Variants in TMPO observed in about 807,000 individuals in gnomAD.
TMPO encodes LEM domain containing 4.
Under a neutral mutation model 45.4 loss-of-function variants are expected in TMPO, and 22 were observed. The ratio of observed to expected loss-of-function variants is 0.48; its 90% CI spans 0.35 to 0.69. The LOEUF is 0.69. Among genes scored for constraint, TMPO ranks in the 30% least tolerant of loss-of-function variants. The pLI, the probability that TMPO is intolerant of heterozygous loss-of-function variation, is 0.01. For synonymous variants in TMPO, 241 were observed against 204.1 expected, an observed-to-expected ratio of 1.18 and a Z score of -1.54; for missense variants, 512 against 548.8, an observed-to-expected ratio of 0.93 and a Z score of 0.67.
intron 4 of TMPO, 114 bp from the exon 5 acceptor site, chr12:98,544,116 T>C: frequency 8.5e-7 from 1 of 1,175,398 alleles, no homozygotes. Flanking sequence ...GCCTTGTTTG[T>C]AAATGCTGGC....
In TMPO at chr12:98,544,452, C is replaced by A. The variant is rs1287582890; in HGVS notation, c.794C>A (p.Ser265Ter). 1 of 1,613,792 alleles carries A rather than the reference C, an allele frequency of 6.2e-7. No homozygotes were observed. Among genetic ancestry groups the A allele is most frequent in the East Asian group, 2.2e-5 (1 of 44,832 alleles). ...TTTTCAAACTAACAGGTGGAAACTT[C>A]AGAACATTTTCGTATAGATGGTCCA... ...RRTPRKRVET[S>*]EHFRIDGPVI... The change falls in exon 6 of 9, where the codon TCA (serine) becomes TAA (stop). Residue 265 changes from serine to a stop codon, truncating the protein, a stop_gained. Coordinates refer to ENST00000556029, the MANE Select transcript of TMPO (RefSeq NM_001032283.3). LOFTEE classifies it high-confidence loss of function.
At chr12:98,525,683 G>A (rs545351241) in intron 1 of TMPO, among the ~76,000 whole-genome samples, 39 of 150,332 alleles carry the variant, frequency 2.6e-4, no homozygotes, top group African/African-American at 9.5e-4. Flanking sequence ...AGAGGTTGCA[G>A]TGAGCCAAGA....
At chr12:98,526,827 G>A (rs573846358) in intron 1 of TMPO, among the ~76,000 whole-genome samples, 19 of 152,106 alleles carry the variant, frequency 1.2e-4, no homozygotes, top group Admixed American at 6.6e-4. Flanking sequence ...GCGTGGTGGC[G>A]CACACCTGTA....
At chr12:98,524,551 C>T (rs537694220) in intron 1 of TMPO, among the ~76,000 whole-genome samples, 3 of 149,310 alleles carry the variant, frequency 2.0e-5, no homozygotes, top group South Asian at 2.1e-4. Context: ...CCAGCCTGGG[C>T]GAGAGAGTTA....
rs1878329937 is a variant in TMPO, at chr12:98,548,008, TA to T, written c.*151del. ...TTCATTGAAAAGCAAACAAAATATA[TA>T]TAAATGGACTTCATTAAAATGTTTT... On this transcript the variant is annotated 3_prime_UTR_variant, in exon 9 of 9. Coordinates refer to ENST00000556029, the MANE Select transcript of TMPO (RefSeq NM_001032283.3). 6.9e-5 allele frequency: 60 copies of T among 870,446 alleles called. No individual in the cohort carries two copies. In the South Asian group the frequency reaches 1.0e-3, roughly 15 times the overall value. 53.9% of individuals were successfully genotyped at this position (870,446 alleles called of 1,614,324 possible).
chr12:98,546,335 G>C, intron 7 of TMPO, 24 bp from the exon 8 acceptor site: 1 of 1,501,810 alleles, frequency 6.7e-7, no homozygotes, highest in Non-Finnish European at 9.3e-7. Context: ...ACTTGTGGTT[G>C]TTTGTTTGTC....
intron 4 of TMPO, among the ~76,000 whole-genome samples, chr12:98,540,364 TTTG>T (rs534920116): frequency 2.5e-4 from 38 of 152,280 alleles, no homozygotes; most frequent in Non-Finnish European, 4.3e-4. Context: ...TCTGTTTTGC[TTTG>T]TTGTTGTTGT....
At chr12:98,532,553 A>G (rs1233893849) in intron 3 of TMPO, among the ~76,000 whole-genome samples, 1 of 152,198 alleles carries the variant, frequency 6.6e-6, no homozygotes, top group Non-Finnish European at 1.5e-5. Flanking sequence ...TTTTTTAAGG[A>G]TAGTATGTGA....
chr12:98,518,888 GTT>G (rs10711028), intron 1 of TMPO, among the ~76,000 whole-genome samples: 2 of 146,792 alleles, frequency 1.4e-5, no homozygotes, highest in Non-Finnish European at 1.5e-5. Flanking sequence ...AAAATGAAGG[GTT>G]TTTTTTTTTT....
intron 2 of TMPO, among the ~76,000 whole-genome samples, chr12:98,529,900 TG>T (rs566287711): frequency 3.0e-4 from 46 of 152,310 alleles, no homozygotes; most frequent in African/African-American, 1.1e-3. Context: ...GCTAGAGATT[TG>T]GTAGGTTTTG....
Position 98,515,807 on chromosome 12 carries a change from G to GC in TMPO, c.-60dup, listed in dbSNP as rs1875735719. On this transcript the variant is annotated 5_prime_UTR_variant, in exon 1 of 9. Transcript: ENST00000556029. ...CAGCGCGGTCCCCGGCCAGGAGCAA[G>GC]CGCGCCGGCGTGAGCGGCGGCGGCA... 2 of 1,566,212 alleles carry GC rather than the reference G, an allele frequency of 1.3e-6. No homozygotes were observed. Among genetic ancestry groups the GC allele is most frequent in the Non-Finnish European group, 1.7e-6 (2 of 1,157,008 alleles).
At position 98,516,219 on chromosome 12, in the gene TMPO, C is replaced by T. The variant is rs1371588798; in HGVS notation, c.279+73C>T. The T allele has an allele frequency of 9.2e-6, 12 of 1,310,468 alleles. No homozygotes were observed. The East Asian group carries it at 9.4e-5, about 10-fold the overall frequency. The allele number at this position is 1,310,468 out of a possible 1,614,324, so 81.2% of individuals were successfully genotyped here. A position where few individuals can be genotyped will look rare whatever the true frequency, so the allele number is the denominator to read the frequency against. On this transcript the variant is annotated intron_variant, in intron 1 of 8. Transcript: ENST00000556029. ...CGCGCGCGCTCGCCGCCGTTTGCAG[C>T]CCCTCCCTCCCGGGCGCCCCCTCGG...
At chr12:98,534,000 G>T (rs746562573) in intron 3 of TMPO, 2 of 1,608,372 alleles carry the variant, frequency 1.2e-6, no homozygotes, top group South Asian at 2.2e-5. Flanking sequence ...CAGCATTGCA[G>T]ATTGCAACTC....
intron 4 of TMPO, among the ~76,000 whole-genome samples, chr12:98,539,870 A>G (rs1294570491): frequency 1.3e-5 from 2 of 152,252 alleles, no homozygotes; most frequent in African/African-American, 4.8e-5. Context: ...TCAGCATTTT[A>G]GCATATATCT....
Position 98,547,930 on chromosome 12 carries a change from T to G in TMPO, c.*72T>G. ...CTGTTGAAAAACATTTGTGTACACT[T>G]GTTGACTCCAAGAACTAAAAATAAT... On this transcript the variant is annotated 3_prime_UTR_variant, in exon 9 of 9. Transcript: ENST00000556029. The G allele has an allele frequency of 6.6e-7, 1 of 1,521,474 alleles. No homozygotes were observed. The highest frequency in any genetic ancestry group is 2.3e-5 in the East Asian group (1 of 44,420). 94.2% of individuals were successfully genotyped at this position (1,521,474 alleles called of 1,614,324 possible). A position where few individuals can be genotyped will look rare whatever the true frequency, so the allele number is the denominator to read the frequency against.
intron 3 of TMPO, chr12:98,534,466 A>G: frequency 6.5e-7 from 1 of 1,530,658 alleles, no homozygotes; most frequent in Middle Eastern, 2.4e-4. Context: ...GCTTCTACCC[A>G]TCAAATTACA....
chr12:98,527,244 T>C (rs1181794783), intron 1 of TMPO, among the ~76,000 whole-genome samples: 1 of 148,214 alleles, frequency 6.7e-6, no homozygotes, highest in Non-Finnish European at 1.5e-5. Flanking sequence ...ACAACTGTAA[T>C]CCTAACACTT....
chr12:98,537,450 A>G, intron 3 of TMPO, 25 bp from the exon 4 acceptor site: 1 of 1,548,020 alleles, frequency 6.5e-7, no homozygotes, highest in Non-Finnish European at 8.9e-7. Context: ...TCAGAGAGTA[A>G]TGGTTTCTCC....
chr12:98,545,875 G>A (rs994187340), intron 7 of TMPO, among the ~76,000 whole-genome samples: 1 of 152,040 alleles, frequency 6.6e-6, no homozygotes, highest in Non-Finnish European at 1.5e-5. Flanking sequence ...TGGGATTACG[G>A]GTGCCCGCCA....
Sources: gnomAD v4.1 joint callset for allele counts (sites outside exome capture counted in the v4.1 genomes callset) on GRCh38, gnomAD v4.1.1 for gene constraint, MANE v1.5 for transcripts, NCBI Gene and HGNC (gene_info 2026-07-23, HGNC 2026-07-21) for gene names.